The following PRLR variants were observed in gnomAD, a reference collection of about 807,000 sequenced individuals.
PRLR encodes hPRL receptor.
In PRLR, 13 loss-of-function variants were observed where a neutral mutation model predicts 40.2. The observed-to-expected ratio is 0.32, with a 90% CI of 0.21 to 0.51. The LOEUF (loss-of-function observed/expected upper bound fraction) is 0.51. Among genes scored for constraint, PRLR ranks in the 20% least tolerant of loss-of-function variants. PRLR has a pLI of 0.97. For missense variants in PRLR, 656 were observed against 747.3 expected, an observed-to-expected ratio of 0.88 and a Z score of 1.42; for synonymous variants, 269 against 278.7, an observed-to-expected ratio of 0.97 and a Z score of 0.35.
At chr5:35,145,579 T>C (rs944293835) in intron 1 of PRLR, among the ~76,000 whole-genome samples, 2 of 152,188 alleles carry the variant, frequency 1.3e-5, no homozygotes, top group African/African-American at 4.8e-5. Flanking sequence ...CTCTATGCTT[T>C]TGCCCTACTA....
chr5:35,104,382 T>C (rs1772087786), intron 2 of PRLR, among the ~76,000 whole-genome samples: 1 of 151,872 alleles, frequency 6.6e-6, no homozygotes, highest in Admixed American at 6.5e-5. Flanking sequence ...TGTTGGACAG[T>C]GGGTGCAGCC....
chr5:35,198,691 T>TA (rs1477201527), intron 1 of PRLR, among the ~76,000 whole-genome samples: 1 of 152,092 alleles, frequency 6.6e-6, no homozygotes, highest in Admixed American at 6.6e-5. Context: ...GAAATATATA[T>TA]TTTTTTTGTT....
chr5:35,102,487 T>TCTCCA (rs1554046550), intron 2 of PRLR, among the ~76,000 whole-genome samples: 10 of 102,092 alleles, frequency 9.8e-5, no homozygotes, highest in African/African-American at 2.4e-4. Context: ...TCCCGTCCCG[T>TCTCCA]CTCCTCTCCA....
Position 35,153,721 on chromosome 5 carries a change from C to CACAT in PRLR, c.-105-35600_-105-35599insATGT, listed in dbSNP as rs531120156. On this transcript the variant is annotated intron_variant, in intron 1 of 9. Coordinates refer to ENST00000618457, the MANE Select transcript of PRLR (RefSeq NM_000949.7). Reference sequence around the variant, plus strand: ...GCCAACTGTTCCCCACCATTGTACACACACACACACACACACACTGCACAC... The same window carrying CACAT: ...GCCAACTGTTCCCCACCATTGTACACACATACACACACACACACACACTGCACAC... Among the ~76,000 whole-genome samples the CACAT allele has an allele frequency of 6.4e-3, 938 of 146,238 alleles. 9 individuals are homozygous for CACAT. The highest frequency in any genetic ancestry group is 0.024 in the African/African-American group (874 of 36,924).
intron 2 of PRLR, among the ~76,000 whole-genome samples, chr5:35,091,229 T>TTCC (rs1241109540): frequency 6.6e-6 from 1 of 152,064 alleles, no homozygotes; most frequent in Non-Finnish European, 1.5e-5. Context: ...TCCTACAAGA[T>TTCC]TCCTTCCAAG....
intron 1 of PRLR, among the ~76,000 whole-genome samples, chr5:35,165,227 G>A (rs1774789400): frequency 6.6e-6 from 1 of 152,116 alleles, no homozygotes; most frequent in Admixed American, 6.6e-5. Flanking sequence ...GCCCAAATCA[G>A]TGCAGCATCC....
intron 1 of PRLR, among the ~76,000 whole-genome samples, chr5:35,173,630 C>G (rs900969727): frequency 6.6e-6 from 1 of 152,218 alleles, no homozygotes; most frequent in Non-Finnish European, 1.5e-5. Context: ...AGTTCAGAAG[C>G]TAAATTCTTC....
chr5:35,202,631 C>G (rs9283741), intron 1 of PRLR, among the ~76,000 whole-genome samples: 106,482 of 151,266 alleles, frequency 0.7, 39,490 homozygotes, highest in Non-Finnish European at 0.83. Flanking sequence ...GCCTGGTATA[C>G]AGACTGGCAC....
chr5:35,050,628 T>C (rs920310129), intron 8 of PRLR, among the ~76,000 whole-genome samples: 1 of 152,224 alleles, frequency 6.6e-6, no homozygotes, highest in Non-Finnish European at 1.5e-5. Flanking sequence ...GTCATGTTAG[T>C]AATTATCGGG....
At chr5:35,163,748 C>T (rs953455356) in intron 1 of PRLR, among the ~76,000 whole-genome samples, 1 of 152,224 alleles carries the variant, frequency 6.6e-6, no homozygotes, top group African/African-American at 2.4e-5. Context: ...CTTAATCCTT[C>T]TCAAGTGCCT....
At chr5:35,171,808 G>GA (rs1400344909) in intron 1 of PRLR, among the ~76,000 whole-genome samples, 2 of 152,118 alleles carry the variant, frequency 1.3e-5, no homozygotes, top group Non-Finnish European at 2.9e-5. Context: ...CTTGCCTAGG[G>GA]ACCACTGTGA....
intron 4 of PRLR, among the ~76,000 whole-genome samples, chr5:35,085,607 T>G (rs923101745): frequency 2.6e-5 from 4 of 152,220 alleles, no homozygotes; most frequent in African/African-American, 9.7e-5. Context: ...GGTTCTTTAT[T>G]TTCTTGAACA....
At chr5:35,070,033 A>C in intron 7 of PRLR, 91 bp downstream of exon 7, 1 of 1,424,534 alleles carries the variant, frequency 7.0e-7, no homozygotes, top group South Asian at 1.4e-5. Flanking sequence ...GCTAAGGCTC[A>C]AAATGGTTTC....
At chr5:35,124,765 A>T (rs1424812742) in intron 1 of PRLR, among the ~76,000 whole-genome samples, 1 of 151,072 alleles carries the variant, frequency 6.6e-6, no homozygotes, top group South Asian at 2.1e-4. Context: ...TTGGATCAAC[A>T]CCCTGAAATT....
intron 1 of PRLR, among the ~76,000 whole-genome samples, chr5:35,154,775 G>A (rs1208449610): frequency 6.6e-6 from 1 of 152,076 alleles, no homozygotes; most frequent in Non-Finnish European, 1.5e-5. Context: ...TAAAGAAAAT[G>A]TGGTACGTAT....
At chr5:35,106,040 C>T (rs1001003431) in intron 2 of PRLR, among the ~76,000 whole-genome samples, 1 of 152,246 alleles carries the variant, frequency 6.6e-6, no homozygotes. Flanking sequence ...GGCAGAAACT[C>T]TGCAAGCCAG....
intron 7 of PRLR, 121 bp downstream of exon 7, chr5:35,070,003 A>G (rs182095770): frequency 8.6e-7 from 1 of 1,166,432 alleles, no homozygotes; most frequent in African/African-American, 1.6e-5. Context: ...AAAGATTATA[A>G]ACCCACCTCT....
chr5:35,190,484 A>G (rs1169414864), intron 1 of PRLR, among the ~76,000 whole-genome samples: 1 of 152,086 alleles, frequency 6.6e-6, no homozygotes, highest in African/African-American at 2.4e-5. Context: ...AGGTGCCTGT[A>G]ATCCTAGCTA....
chr5:35,067,608 GCCAAA>G (rs1769461215), intron 9 of PRLR, among the ~76,000 whole-genome samples: 1 of 152,168 alleles, frequency 6.6e-6, no homozygotes, highest in Non-Finnish European at 1.5e-5. Flanking sequence ...AAGCTTAAAA[GCCAAA>G]CTGAAACTAT....
Sources: allele counts gnomAD v4.1 joint callset (sites outside exome capture counted in the v4.1 genomes callset), GRCh38; gene constraint gnomAD v4.1.1; transcripts MANE v1.5; gene names NCBI Gene and HGNC (gene_info 2026-07-23, HGNC 2026-07-21).